C11orf16: variants seen among roughly 807,000 people sequenced by gnomAD.
C11orf16 encodes the protein uncharacterized protein C11orf16.
A neutral mutation model predicts 45.1 loss-of-function variants in C11orf16; 38 were observed. The ratio of observed to expected loss-of-function variants is 0.84; its 90% CI spans 0.65 to 1.10. The LOEUF is 1.10. Among genes scored for constraint, C11orf16 ranks in the 50% least tolerant of loss-of-function variants. The pLI is 0.00. For missense variants in C11orf16, 583 were observed against 569.5 expected (o/e 1.02, Z -0.24); for synonymous variants, 221 against 222.0 (o/e 1.00, Z 0.04).
rs746484390 is a variant in C11orf16, at chr11:8,921,512, G to A, written c.1208C>T (p.Thr403Ile). The change falls in exon 6 of 7, where the codon ACA (threonine) becomes ATA (isoleucine). Residue 403 changes from threonine (T) to isoleucine (I), a missense_variant. Transcript: ENST00000326053. ...TTCTTTGCAGATGTTGGAATATCTT[G>A]TTCCTAAACCCAAAAGTCAATTACT... is the stretch of plus-strand genomic sequence containing the variant. ...GPEPCLGKPG[T>I]RYSNICKEEK... The A allele has an allele frequency of 3.1e-6, 5 of 1,614,126 alleles. No homozygotes were observed. Among genetic ancestry groups the A allele is most frequent in the Non-Finnish European group, 4.2e-6 (5 of 1,179,988 alleles).
intron 4 of C11orf16, among the ~76,000 whole-genome samples, chr11:8,926,732 A>AT (rs774250888): frequency 3.5e-4 from 52 of 150,028 alleles, no homozygotes; most frequent in Non-Finnish European, 5.6e-4. Context: ...CCTGATTACA[A>AT]TTTTTTTTTT....
chr11:8,924,292 G>A (rs979160483), intron 5 of C11orf16, among the ~76,000 whole-genome samples: 5 of 152,162 alleles, frequency 3.3e-5, no homozygotes, highest in Non-Finnish European at 4.4e-5. Context: ...TTGGGAGGCC[G>A]AGGCAGGCAG....
At chr11:8,923,082 A>G (rs1188783621) in intron 5 of C11orf16, among the ~76,000 whole-genome samples, 1 of 152,216 alleles carries the variant, frequency 6.6e-6, no homozygotes, top group Admixed American at 6.5e-5. Context: ...TTTATAGTCA[A>G]TTAATAGAAT....
chr11:8,928,425 A>G (rs2064629542), intron 3 of C11orf16, among the ~76,000 whole-genome samples: 2 of 152,224 alleles, frequency 1.3e-5, no homozygotes, highest in South Asian at 4.1e-4. Flanking sequence ...GTGAGCAAAC[A>G]TATCTCGTTC....
rs2064574735 is a variant in C11orf16 at position 8,921,600 on chromosome 11, T to C, written c.1205-85A>G. 1.1e-5 allele frequency: 13 copies of C among 1,186,058 alleles called. No homozygotes were observed. In the Admixed American group the frequency reaches 2.4e-4, roughly 22 times the overall value. The allele number at this position is 1,186,058 out of a possible 1,614,324, so 73.5% of individuals were successfully genotyped here. ...AACTAAAACAAGGATCACTGAAGTA[T>C]CTGTAAGCTCAAGCATTGTTTTCTT... On this transcript the variant is annotated intron_variant, in intron 5 of 6. Transcript: ENST00000326053.
At chr11:8,930,788 C>A (rs573212402) in intron 2 of C11orf16, among the ~76,000 whole-genome samples, 1 of 152,208 alleles carries the variant, frequency 6.6e-6, no homozygotes, top group East Asian at 1.9e-4. Flanking sequence ...CATGCCGTCA[C>A]TGCACCCAGG....
chr11:8,922,619 G>A (rs1010263510), intron 5 of C11orf16, among the ~76,000 whole-genome samples: 1 of 152,202 alleles, frequency 6.6e-6, no homozygotes, highest in African/African-American at 2.4e-5. Context: ...GGAAAGTGTG[G>A]AGGACAGAGA....
intron 3 of C11orf16, 124 bp from the exon 4 acceptor site, chr11:8,927,298 C>T (rs1298559530): frequency 1.9e-5 from 13 of 701,136 alleles, no homozygotes; most frequent in Non-Finnish European, 2.6e-5. Context: ...TGACAGGCAC[C>T]TAAAGAAGGG....
At position 8,921,160 on chromosome 11, in the gene C11orf16, A is replaced by G. The variant is rs1589930770; in HGVS notation, c.*22+134T>C. The G allele has an allele frequency of 7.4e-6, 5 of 674,120 alleles. No individual in the cohort carries two copies. In the East Asian group the frequency reaches 1.3e-4, roughly 17 times the overall value. 41.8% of individuals were successfully genotyped at this position (674,120 alleles called of 1,614,324 possible). A position where few individuals can be genotyped will look rare whatever the true frequency, so the allele number is the denominator to read the frequency against. On this transcript the variant is annotated intron_variant, in intron 6 of 6. Coordinates refer to ENST00000326053, the MANE Select transcript of C11orf16 (RefSeq NM_020643.3). ...CATAAGCCTTCTGAAATTACATGCA[A>G]AATTGAGGGTATGTGCATTTTTCTA...
Position 8,927,153 on chromosome 11 carries a change from GC to G in C11orf16, c.345del (p.Val117TrpfsTer22). 6.2e-7 allele frequency: 1 copy of G among 1,613,868 alleles called. No homozygotes were observed. On this transcript the variant is annotated frameshift_variant, in exon 4 of 7. Transcript: ENST00000326053. LOFTEE classifies it high-confidence loss of function. ...ATPELERQGV[L>X]LVEFEAPLVA... is the part of the protein sequence containing the mutation. ...ACAAGAGGAGCCTCGAATTCCACAA[GC>G]AGGACCCCCTGTCTCTCCAGCTGTG...
Position 8,921,352 on chromosome 11 carries a change from GCTCTGA to G in C11orf16, c.1362_1367del (p.Gln455_Ser456del). ...TCTTGTTCCACTGACATATTGCAAG[GCTCTGA>G]CTCCGCTTTCTGTGTTCAGCTTCCC... On this transcript the variant is annotated inframe_deletion, in exon 6 of 7. Transcript: ENST00000326053. 1 of 1,614,156 alleles carries G rather than the reference GCTCTGA, an allele frequency of 6.2e-7. No individual in the cohort carries two copies. The highest frequency in any genetic ancestry group is 8.5e-7 in the Non-Finnish European group (1 of 1,180,042).
intron 5 of C11orf16, among the ~76,000 whole-genome samples, chr11:8,924,082 TA>T (rs1032433663): frequency 6.6e-6 from 1 of 151,884 alleles, no homozygotes; most frequent in Non-Finnish European, 1.5e-5. Context: ...AATCCTCATA[TA>T]AAATCCAAGT....
chr11:8,926,245 G>A, intron 4 of C11orf16, 138 bp from the exon 5 acceptor site: 1 of 818,642 alleles, frequency 1.2e-6, no homozygotes, highest in South Asian at 2.0e-5. Context: ...GTGGCACAGT[G>A]ATAGCTCACT....
intron 2 of C11orf16, 76 bp downstream of exon 2, chr11:8,932,066 G>T: frequency 1.4e-6 from 2 of 1,412,182 alleles, no homozygotes. Context: ...TGTCCACCAA[G>T]GTCTACCACC....
At chr11:8,922,999 T>A (rs1239345837) in intron 5 of C11orf16, among the ~76,000 whole-genome samples, 2 of 152,218 alleles carry the variant, frequency 1.3e-5, no homozygotes, top group African/African-American at 4.8e-5. Flanking sequence ...GAACTTTCCC[T>A]AGAGCATAAC....
chr11:8,922,215 T>C (rs993927117), intron 5 of C11orf16, among the ~76,000 whole-genome samples: 1 of 151,884 alleles, frequency 6.6e-6, no homozygotes, highest in Non-Finnish European at 1.5e-5. Context: ...AAAACAAATA[T>C]TAAGAAATTG....
intron 3 of C11orf16, 126 bp from the exon 4 acceptor site, chr11:8,927,300 A>C: frequency 1.4e-6 from 1 of 695,510 alleles, no homozygotes; most frequent in Admixed American, 2.4e-5. Context: ...ACAGGCACCT[A>C]AAGAAGGGAC....
At position 8,932,133 on chromosome 11, in the gene C11orf16, G is replaced by A. The variant is rs1329726753; in HGVS notation, c.167+9C>T. 11 of 1,570,516 alleles carry A rather than the reference G, an allele frequency of 7.0e-6. No individual in the cohort carries two copies. The East Asian group carries it at 2.3e-4, about 33-fold the overall frequency. On this transcript the variant is annotated intron_variant, in intron 2 of 6. Coordinates refer to ENST00000326053, the MANE Select transcript of C11orf16 (RefSeq NM_020643.3). ...CATCCACTTCCCCCAGAGGGGCAGAGACAGGTACCTTGCAAGGGGCTTGTG... is the reference window on the plus strand; with the variant it reads ...CATCCACTTCCCCCAGAGGGGCAGAAACAGGTACCTTGCAAGGGGCTTGTG...
chr11:8,932,114 C>CT, intron 2 of C11orf16, 28 bp downstream of exon 2: 1 of 1,533,552 alleles, frequency 6.5e-7, no homozygotes. Flanking sequence ...AGGGCATCCA[C>CT]TTCCCCCAGA....
Sources: allele counts gnomAD v4.1 joint callset (sites outside exome capture counted in the v4.1 genomes callset), GRCh38; gene constraint gnomAD v4.1.1; transcripts MANE v1.5; gene names NCBI Gene and HGNC (gene_info 2026-07-23, HGNC 2026-07-21).